Variants in DMD observed in about 807,000 individuals in gnomAD.
The protein encoded by DMD is mutant dystrophin.
A neutral mutation model predicts 330.1 loss-of-function variants in DMD; 63 were observed. That is an observed-to-expected ratio of 0.19 (90% CI 0.16 to 0.24). The LOEUF (loss-of-function observed/expected upper bound fraction) is 0.24, where lower values mean the gene tolerates loss of function less well. Ranked by LOEUF, DMD falls within the 10% of genes least tolerant of loss-of-function variation. The pLI is 1.00. For synonymous variants in DMD, 1,223 were observed against 959.8 expected (o/e 1.27, Z -5.07); for missense variants, 3,344 against 2,684.1 (o/e 1.25, Z -5.43).
intron 7 of DMD, among the ~76,000 whole-genome samples, chrX:32,799,594 ATT>A (rs59086238): frequency 2.2e-4 from 21 of 94,739 alleles, no homozygotes; most frequent in African/African-American, 3.1e-4. Context: ...TATAGGGAGG[ATT>A]TTTTTTTTTT....
intron 7 of DMD, among the ~76,000 whole-genome samples, chrX:32,703,380 G>A (rs944570345): frequency 9.0e-6 from 1 of 111,060 alleles, no homozygotes; most frequent in Non-Finnish European, 1.9e-5. Flanking sequence ...TCATATTTTT[G>A]CTGTTTCTAT....
chrX:32,831,988 G>A (rs1045156011), intron 4 of DMD, among the ~76,000 whole-genome samples: 3 of 110,460 alleles, frequency 2.7e-5, no homozygotes, highest in South Asian at 7.5e-4. Context: ...ATGAAAACAC[G>A]TCCTGCGTCA....
At chrX:32,763,820 C>A (rs1029055044) in intron 7 of DMD, among the ~76,000 whole-genome samples, 4 of 111,217 alleles carry the variant, frequency 3.6e-5, no homozygotes, top group African/African-American at 1.3e-4. Flanking sequence ...TCTCCAAACC[C>A]CAGCCTCATT....
chrX:32,070,611 A>C (rs1212005899), intron 44 of DMD, among the ~76,000 whole-genome samples: 1 of 109,847 alleles, frequency 9.1e-6, no homozygotes, highest in Admixed American at 9.8e-5. Flanking sequence ...ACGTGTGTCT[A>C]TATATATATA....
intron 34 of DMD, among the ~76,000 whole-genome samples, chrX:32,371,763 C>T (rs896010644): frequency 1.8e-5 from 2 of 111,193 alleles, no homozygotes; most frequent in African/African-American, 6.5e-5. Context: ...TACTTACACT[C>T]AACTAATCAG....
chrX:32,022,461 T>G (rs780793917), intron 44 of DMD, among the ~76,000 whole-genome samples: 1 of 112,475 alleles, frequency 8.9e-6, no homozygotes, highest in South Asian at 3.6e-4. Flanking sequence ...TTCATCTGAA[T>G]AGTAAGGTAT....
At chrX:32,864,562 T>C (rs752793436) in intron 2 of DMD, among the ~76,000 whole-genome samples, 2 of 112,232 alleles carry the variant, frequency 1.8e-5, no homozygotes. Flanking sequence ...GTAGGTCCCA[T>C]TTGTAATGGA....
chrX:32,372,995 T>C (rs1278247654), intron 34 of DMD, among the ~76,000 whole-genome samples: 4 of 110,632 alleles, frequency 3.6e-5, no homozygotes, highest in African/African-American at 1.3e-4. Flanking sequence ...TAATCACCCC[T>C]GACCACATCC....
At chrX:32,652,016 G>A (rs777636855) in intron 9 of DMD, among the ~76,000 whole-genome samples, 1 of 111,500 alleles carries the variant, frequency 9.0e-6, no homozygotes, top group South Asian at 3.8e-4. Context: ...GCTACATTGT[G>A]CCTCCGATGC....
At chrX:33,163,147 A>T (rs1039979939) in intron 1 of DMD, among the ~76,000 whole-genome samples, 1 of 111,622 alleles carries the variant, frequency 9.0e-6, no homozygotes, top group African/African-American at 3.3e-5. Flanking sequence ...CTCATAAAAC[A>T]TTGTGATATG....
At chrX:31,324,266 A>G (rs1302455562) in intron 61 of DMD, among the ~76,000 whole-genome samples, 7 of 111,386 alleles carry the variant, frequency 6.3e-5, no homozygotes, top group Non-Finnish European at 9.4e-5. Context: ...ATGTCTACTG[A>G]TATCAGAGCG....
At chrX:32,276,604 C>G (rs150133626) in intron 43 of DMD, among the ~76,000 whole-genome samples, 109 of 111,513 alleles carry the variant, frequency 9.8e-4, no homozygotes, top group African/African-American at 3.3e-3. Flanking sequence ...AGCTCCTGGA[C>G]AACACTCTCC....
chrX:31,635,302 T>C (rs1205118322), intron 54 of DMD, among the ~76,000 whole-genome samples: 6 of 112,121 alleles, frequency 5.4e-5, no homozygotes, highest in Non-Finnish European at 1.9e-5. Context: ...ATATATTTCC[T>C]AATGTTGATA....
At chrX:31,379,564 G>A (rs948045219) in intron 60 of DMD, among the ~76,000 whole-genome samples, 16 of 111,327 alleles carry the variant, frequency 1.4e-4, no homozygotes, top group African/African-American at 4.3e-4. Context: ...TTAAATTCCA[G>A]CCCTCAAACC....
At chrX:32,781,282 A>T (rs2074730167) in intron 7 of DMD, among the ~76,000 whole-genome samples, 1 of 111,555 alleles carries the variant, frequency 9.0e-6, no homozygotes, top group African/African-American at 3.3e-5. Flanking sequence ...TGGTGGGAAC[A>T]AACTCCACTG....
At chrX:32,795,630 A>C (rs1472372429) in intron 7 of DMD, among the ~76,000 whole-genome samples, 1 of 112,255 alleles carries the variant, frequency 8.9e-6, no homozygotes, top group Non-Finnish European at 1.9e-5. Context: ...GTAGAAAATG[A>C]AAGAGCTTCT....
At chrX:33,059,204 C>T (rs754995473) in intron 1 of DMD, among the ~76,000 whole-genome samples, 40 of 111,510 alleles carry the variant, frequency 3.6e-4, no homozygotes, top group Non-Finnish European at 4.3e-4. Context: ...CCAGATGTAA[C>T]CACTTACACA....
At chrX:32,412,148 AC>A (rs2098145160) in intron 29 of DMD, 1 of 1,138,419 alleles carries the variant, frequency 8.8e-7, no homozygotes, top group Non-Finnish European at 1.2e-6. Context: ...AAAATCAATC[AC>A]AATATCACGT....
At chrX:31,317,554 C>T (rs62588886) in intron 62 of DMD, among the ~76,000 whole-genome samples, 16,013 of 102,779 alleles carry the variant, frequency 0.16, 1,148 homozygotes, top group Admixed American at 0.21. Context: ...GCTCTGTCAC[C>T]CAGGCTGGAG....
Sources: gnomAD v4.1 joint callset for allele counts (sites outside exome capture counted in the v4.1 genomes callset) on GRCh38, gnomAD v4.1.1 for gene constraint, MANE v1.5 for transcripts, NCBI Gene and HGNC (gene_info 2026-07-23, HGNC 2026-07-21) for gene names.